PCNX1: variants seen among roughly 807,000 people sequenced by gnomAD.
PCNX1 encodes the protein pecanex-like protein 1.
A neutral mutation model predicts 242.2 loss-of-function variants in PCNX1; 78 were observed. The ratio of observed to expected loss-of-function variants is 0.32; its 90% CI spans 0.27 to 0.39. PCNX1 has a LOEUF of 0.39. Ranked by LOEUF, PCNX1 falls within the 10% of genes least tolerant of loss-of-function variation. The probability of loss-of-function intolerance (pLI) is 1.00; values close to 1 mark genes in which losing one functional copy is unlikely to be tolerated. For synonymous variants in PCNX1, 1,024 were observed against 1,032.9 expected (o/e 0.99, Z 0.17); for missense variants, 2,581 against 2,856.5 (o/e 0.90, Z 2.20).
At chr14:71,013,458 C>T (rs2059876628) in intron 11 of PCNX1, among the ~76,000 whole-genome samples, 1 of 151,892 alleles carries the variant, frequency 6.6e-6, no homozygotes, top group Non-Finnish European at 1.5e-5. Context: ...CATACAACTG[C>T]TAGTCAAAAG....
At chr14:70,939,690 T>G (rs2057155252) in intron 1 of PCNX1, among the ~76,000 whole-genome samples, 1 of 152,244 alleles carries the variant, frequency 6.6e-6, no homozygotes, top group African/African-American at 2.4e-5. Flanking sequence ...ATATCCTTGA[T>G]CACTTTCTGT....
intron 8 of PCNX1, among the ~76,000 whole-genome samples, chr14:70,997,991 A>G (rs2059400100): frequency 6.6e-6 from 1 of 152,212 alleles, no homozygotes. Flanking sequence ...AGCTTCCTCT[A>G]TTAAAAATTT....
intron 5 of PCNX1, 114 bp downstream of exon 5, chr14:70,969,224 A>G: frequency 2.9e-6 from 2 of 691,700 alleles, no homozygotes; most frequent in Non-Finnish European, 5.2e-6. Context: ...ATGATATTTA[A>G]GGAAACATTA....
chr14:70,909,201 G>A (rs182105872), intron 1 of PCNX1, among the ~76,000 whole-genome samples: 10 of 152,034 alleles, frequency 6.6e-5, no homozygotes, highest in African/African-American at 2.4e-4. Context: ...GAGGGAAGAT[G>A]TGCACATTCT....
intron 8 of PCNX1, among the ~76,000 whole-genome samples, chr14:71,005,805 GT>G (rs755400073): frequency 1.3e-4 from 20 of 151,316 alleles, no homozygotes; most frequent in Non-Finnish European, 1.5e-5. Flanking sequence ...ACCTATAGTT[GT>G]TACTTTGAAA....
chr14:70,913,434 A>T (rs1408416546), intron 1 of PCNX1, among the ~76,000 whole-genome samples: 3 of 152,200 alleles, frequency 2.0e-5, no homozygotes, highest in African/African-American at 4.8e-5. Context: ...AAAACACTTA[A>T]GTCATTGAAA....
chr14:71,072,544 C>T (rs1164645729), intron 26 of PCNX1, among the ~76,000 whole-genome samples: 4 of 152,162 alleles, frequency 2.6e-5, no homozygotes, highest in African/African-American at 9.7e-5. Flanking sequence ...CGTACCACCA[C>T]CACCATCAGC....
At chr14:70,935,045 C>T (rs2056947442) in intron 1 of PCNX1, among the ~76,000 whole-genome samples, 1 of 152,170 alleles carries the variant, frequency 6.6e-6, no homozygotes, top group Non-Finnish European at 1.5e-5. Context: ...ACTGTTACAG[C>T]ACAGCTGTCC....
chr14:70,983,053 C>G (rs2058887684), intron 6 of PCNX1, among the ~76,000 whole-genome samples: 1 of 151,910 alleles, frequency 6.6e-6, no homozygotes, highest in African/African-American at 2.4e-5. Flanking sequence ...AGGATGTGTC[C>G]CCTCTCAAAA....
At chr14:70,931,345 T>C (rs1400664657) in intron 1 of PCNX1, among the ~76,000 whole-genome samples, 6 of 152,260 alleles carry the variant, frequency 3.9e-5, no homozygotes, top group Admixed American at 3.9e-4. Context: ...GTTAATTCTT[T>C]TTCCCATTAG....
chr14:71,036,213 C>T, intron 19 of PCNX1, 56 bp downstream of exon 19: 2 of 1,132,758 alleles, frequency 1.8e-6, no homozygotes, highest in Non-Finnish European at 2.7e-6. Flanking sequence ...GGGTCTCACT[C>T]TGTCACCCAG....
In PCNX1 at chr14:71,023,193, T is replaced by C; in HGVS notation, c.3151-7T>C. ...GAGTGTAATTTGTCTTTCTGTTTCA[T>C]TTTTAGAGTGTTCAACCAGATTCTT... On this transcript the variant is annotated splice_polypyrimidine_tract_variant and splice_region_variant and intron_variant, in intron 12 of 35. Coordinates refer to ENST00000304743, the MANE Select transcript of PCNX1 (RefSeq NM_014982.3). 1 of 1,606,370 alleles carries C rather than the reference T, an allele frequency of 6.2e-7. No homozygotes were observed. Among genetic ancestry groups the C allele is most frequent in the African/African-American group, 1.3e-5 (1 of 74,862 alleles).
chr14:70,942,094 C>T (rs575439913), intron 1 of PCNX1, among the ~76,000 whole-genome samples: 1 of 152,180 alleles, frequency 6.6e-6, no homozygotes, highest in African/African-American at 2.4e-5. Flanking sequence ...GAGGTGATGC[C>T]CAGTCCTGCT....
chr14:71,079,474 A>G (rs2061798337), intron 28 of PCNX1, among the ~76,000 whole-genome samples: 4 of 152,162 alleles, frequency 2.6e-5, no homozygotes, highest in Admixed American at 2.6e-4. Flanking sequence ...GTGTAAAAGC[A>G]TTCCTATTTC....
intron 1 of PCNX1, among the ~76,000 whole-genome samples, chr14:70,937,291 A>G (rs1417408279): frequency 2.0e-5 from 3 of 152,138 alleles, no homozygotes; most frequent in East Asian, 1.9e-4. Flanking sequence ...TCTTTAATCC[A>G]TCTTGAATTA....
At chr14:70,956,822 A>G (rs1197455258) in intron 2 of PCNX1, among the ~76,000 whole-genome samples, 1 of 152,110 alleles carries the variant, frequency 6.6e-6, no homozygotes, top group East Asian at 1.9e-4. Context: ...ACGTTAGGCA[A>G]GTTTTTTTGC....
intron 30 of PCNX1, among the ~76,000 whole-genome samples, chr14:71,094,979 A>G (rs187020065): frequency 8.0e-4 from 122 of 152,336 alleles, no homozygotes; most frequent in African/African-American, 3.8e-4. Context: ...AGTATTTACT[A>G]TTGCATATTG....
intron 16 of PCNX1, among the ~76,000 whole-genome samples, chr14:71,030,966 A>G (rs1390413025): frequency 6.6e-6 from 1 of 152,170 alleles, no homozygotes; most frequent in African/African-American, 2.4e-5. Context: ...GTTATGTTTA[A>G]CAACATTATT....
At chr14:70,951,156 T>A (rs2057761719) in intron 2 of PCNX1, among the ~76,000 whole-genome samples, 1 of 152,090 alleles carries the variant, frequency 6.6e-6, no homozygotes, top group Non-Finnish European at 1.5e-5. Flanking sequence ...AAGTAACAAA[T>A]TTTTTCCCTG....
Sources: allele counts gnomAD v4.1 joint callset (sites outside exome capture counted in the v4.1 genomes callset), GRCh38; gene constraint gnomAD v4.1.1; transcripts MANE v1.5; gene names NCBI Gene and HGNC (gene_info 2026-07-23, HGNC 2026-07-21).